FAT1: variants seen among roughly 807,000 people sequenced by gnomAD.
The protein encoded by FAT1 is protocadherin Fat 1.
In FAT1, 171 loss-of-function variants were observed where a neutral mutation model predicts 329.8. That is an observed-to-expected ratio of 0.52 (90% CI 0.46 to 0.59). The LOEUF (loss-of-function observed/expected upper bound fraction) is 0.59. Among genes scored for constraint, FAT1 ranks in the 20% least tolerant of loss-of-function variants. FAT1 has a pLI of 0.00. For missense variants in FAT1, 5,672 were observed against 5,774.4 expected (o/e 0.98, Z 0.57); for synonymous variants, 2,233 against 2,228.6 (o/e 1.00, Z -0.06).
In FAT1 at chr4:186,707,924, C is replaced by A. The variant is rs1375556398; in HGVS notation, c.1904G>T (p.Gly635Val). 2 of 1,613,992 alleles carry A rather than the reference C, an allele frequency of 1.2e-6. No homozygotes were observed. The highest frequency in any genetic ancestry group is 1.1e-5 in the South Asian group (1 of 91,080). Reference protein sequence around the residue: ...SLKRSLMDGLGAKVSFHSLRI... With the variant: ...SLKRSLMDGLVAKVSFHSLRI... ...CAGACTGTGGAAAGACACCTTTGCA[C>A]CTAAGCCATCCATTAGCGATCGCTT... is the stretch of plus-strand genomic sequence containing the variant. The change falls in exon 2 of 27, where the codon GGT (glycine) becomes GTT (valine). Residue 635 changes from glycine (G) to valine (V), a missense_variant. Physicochemically the swap from Gly to Val is moderately radical, Grantham distance 109. This residue lies in a region of FAT1 where 3,966 missense variants were observed against 3,915.2 expected (regional missense o/e 1.01). Coordinates refer to ENST00000441802, the MANE Select transcript of FAT1 (RefSeq NM_005245.4).
Position 186,707,743 on chromosome 4 carries a change from G to A in FAT1, c.2085C>T (p.Asn695=), listed in dbSNP as rs2126691052. The change falls in exon 2 of 27, where the codon AAC becomes AAT. Residue 695 remains asparagine, a synonymous_variant. Coordinates refer to ENST00000441802, the MANE Select transcript of FAT1 (RefSeq NM_005245.4). ...EKLLQANKLH[N]QGEVEDIFFD... Reference sequence around the variant, plus strand: ...AGAAAATATCCTCCACCTCTCCCTGGTTGTGTAATTTATTTGCCTGCAGGA... The same window carrying A: ...AGAAAATATCCTCCACCTCTCCCTGATTGTGTAATTTATTTGCCTGCAGGA... The A allele has an allele frequency of 6.2e-7, 1 of 1,613,648 alleles. No homozygotes were observed. The highest frequency in any genetic ancestry group is 8.5e-7 in the Non-Finnish European group (1 of 1,179,864).
chr4:186,645,966 TATACAC>T lies in FAT1; in HGVS notation c.3581-6189_3581-6184del, dbSNP rs1435992712. 8.2e-4 allele frequency among the ~76,000 whole-genome samples: 66 copies of T among 80,532 alleles called. 2 individuals are homozygous for T. The highest frequency in any genetic ancestry group is 1.4e-3 in the Non-Finnish European group (57 of 41,940). The allele number at this position is 80,532 out of a possible 152,430, so 52.8% of individuals were successfully genotyped here. Reference sequence around the variant, plus strand: ...CTCACAAAAAAAAAAAAAAAAAATATATACACACACACACACACACACACACACACA... The same window carrying T: ...CTCACAAAAAAAAAAAAAAAAAATATACACACACACACACACACACACACA... On this transcript the variant is annotated intron_variant, in intron 3 of 26. Coordinates refer to ENST00000441802, the MANE Select transcript of FAT1 (RefSeq NM_005245.4).
chr4:186,600,830 C>A (rs1347175964), intron 21 of FAT1, among the ~76,000 whole-genome samples: 2 of 152,206 alleles, frequency 1.3e-5, no homozygotes, highest in East Asian at 3.9e-4. Flanking sequence ...CGTGCCTCAG[C>A]CTCCTGAGTA....
At chr4:186,605,775 G>T (rs1241507008) in intron 17 of FAT1, among the ~76,000 whole-genome samples, 2 of 150,740 alleles carry the variant, frequency 1.3e-5, no homozygotes, top group East Asian at 2.0e-4. Context: ...AAGGTCAAGG[G>T]GGGAGGAGAG....
intron 2 of FAT1, among the ~76,000 whole-genome samples, chr4:186,697,117 C>T (rs1460936314): frequency 6.6e-6 from 1 of 152,056 alleles, no homozygotes; most frequent in African/African-American, 2.4e-5. Flanking sequence ...GACAGATTGC[C>T]TTAATAAGTA....
rs745703660 is a variant in FAT1, at chr4:186,617,796, A to G, written c.8790T>C (p.Asp2930=). 2.5e-6 allele frequency: 4 copies of G among 1,613,886 alleles called. No individual in the cohort carries two copies. In the African/African-American group the frequency reaches 5.3e-5, roughly 22 times the overall value. Reference sequence around the variant, plus strand: ...TGGCAATCACCCCACCTTGGGGGTCATCCTCACTCACAGTCCCTTTATAGA... The same window carrying G: ...TGGCAATCACCCCACCTTGGGGGTCGTCCTCACTCACAGTCCCTTTATAGA... The part of the protein sequence containing the change: ...AEIYKGTVSE[D]DPQGGVIAIL... The change falls in exon 10 of 27, where the codon GAT becomes GAC. Residue 2930 remains aspartate (D), a synonymous_variant. Coordinates refer to ENST00000441802, the MANE Select transcript of FAT1 (RefSeq NM_005245.4).
At position 186,620,236 on chromosome 4, in the gene FAT1, T is replaced by C. The variant is rs1164477367; in HGVS notation, c.6350A>G (p.His2117Arg). The C allele has an allele frequency of 4.3e-6, 7 of 1,613,906 alleles. No homozygotes were observed. Among genetic ancestry groups the C allele is most frequent in the Non-Finnish European group, 5.1e-6 (6 of 1,179,906 alleles). The change falls in exon 10 of 27, where the codon CAT becomes CGT. Residue 2117 changes from histidine (H) to arginine (R), a missense_variant. Around this residue, in one of 2 missense-constraint regions of FAT1, gnomAD observed 3,966 missense variants for 3,915.2 expected, o/e 1.01. Coordinates refer to ENST00000441802, the MANE Select transcript of FAT1 (RefSeq NM_005245.4). ...TTCATGATGTTCCTTGAGGTAGTAA[T>C]GCACTTCCCCGTTTCTGCCACTGTC... ...DRDSGRNGEV[H>R]YYLKEHHEHF...
chr4:186,652,568 GA>G (rs1237001888), intron 3 of FAT1, among the ~76,000 whole-genome samples: 1 of 151,974 alleles, frequency 6.6e-6, no homozygotes, highest in Non-Finnish European at 1.5e-5. Context: ...AAAGAGATAG[GA>G]AAAAAATCTA....
intron 1 of FAT1, among the ~76,000 whole-genome samples, 183 bp from the exon 2 acceptor site, chr4:186,710,028 G>A (rs909446155): frequency 6.6e-6 from 1 of 152,050 alleles, no homozygotes; most frequent in Non-Finnish European, 1.5e-5. Flanking sequence ...AACATGTCTA[G>A]AATTATTAAG....
rs891756467 is a variant in FAT1 at position 186,588,445 on chromosome 4, A to G, written c.*147T>C. ...AGTAGTTGGGACACTGGAAATGGCT[A>G]GCACGTCCAGAGGCGCAGGATCCAG... On this transcript the variant is annotated 3_prime_UTR_variant, in exon 27 of 27. Coordinates refer to ENST00000441802, the MANE Select transcript of FAT1 (RefSeq NM_005245.4). 1.1e-6 allele frequency: 1 copy of G among 913,892 alleles called. No homozygotes were observed. The highest frequency in any genetic ancestry group is 1.6e-6 in the Non-Finnish European group (1 of 625,442). 56.6% of individuals were successfully genotyped at this position (913,892 alleles called of 1,614,324 possible).
chr4:186,630,400 G>A (rs1740529405), intron 7 of FAT1, among the ~76,000 whole-genome samples: 1 of 152,112 alleles, frequency 6.6e-6, no homozygotes, highest in African/African-American at 2.4e-5. Flanking sequence ...GAACTCAGGG[G>A]TGATACAGTA....
intron 2 of FAT1, among the ~76,000 whole-genome samples, chr4:186,691,572 A>G (rs953557518): frequency 1.3e-5 from 2 of 152,176 alleles, no homozygotes; most frequent in African/African-American, 4.8e-5. Context: ...AGGCCAAGGT[A>G]GTAGGATGGA....
Position 186,620,304 on chromosome 4 carries a change from A to G in FAT1, c.6282T>C (p.Thr2094=), listed in dbSNP as rs1440055473. The change falls in exon 10 of 27, where the codon ACT becomes ACC. Residue 2094 remains threonine (T), a synonymous_variant. Coordinates refer to ENST00000441802, the MANE Select transcript of FAT1 (RefSeq NM_005245.4). ...CATAGCGAATGACATGGCCCACCTCAGTGTCCACTTTAACAACGGCGTAGT... is the reference window on the plus strand; with the variant it reads ...CATAGCGAATGACATGGCCCACCTCGGTGTCCACTTTAACAACGGCGTAGT... ...LPYYAVVKVD[T]EVGHVIRYVT... 2.5e-6 allele frequency: 4 copies of G among 1,613,862 alleles called. No individual in the cohort carries two copies. Among genetic ancestry groups the G allele is most frequent in the Non-Finnish European group, 2.5e-6 (3 of 1,179,896 alleles).
chr4:186,673,305 C>T (rs1742814285), intron 2 of FAT1, among the ~76,000 whole-genome samples: 1 of 152,148 alleles, frequency 6.6e-6, no homozygotes, highest in African/African-American at 2.4e-5. Context: ...ACAATACCTG[C>T]AGCCCAGTAT....
chr4:186,639,869 G>A, intron 3 of FAT1, 86 bp from the exon 4 acceptor site: 2 of 1,159,932 alleles, frequency 1.7e-6, no homozygotes, highest in South Asian at 2.6e-5. Context: ...TTGGCCAGGT[G>A]CGGTAGCTCA....
At chr4:186,655,850 T>G (rs182644813) in intron 3 of FAT1, among the ~76,000 whole-genome samples, 136 of 152,372 alleles carry the variant, frequency 8.9e-4, no homozygotes, top group Non-Finnish European at 1.3e-3. Flanking sequence ...ATATTCTTTC[T>G]TGCTTATATA....
chr4:186,634,431 TATAAA>T (rs1293860341), intron 6 of FAT1, among the ~76,000 whole-genome samples: 1 of 152,178 alleles, frequency 6.6e-6, no homozygotes, highest in Non-Finnish European at 1.5e-5. Flanking sequence ...TCGACCTAGA[TATAAA>T]ATGAAATGGG....
intron 1 of FAT1, among the ~76,000 whole-genome samples, chr4:186,713,663 T>C (rs1006928215): frequency 6.6e-6 from 1 of 152,170 alleles, no homozygotes; most frequent in African/African-American, 2.4e-5. Flanking sequence ...TATTCAATTT[T>C]TTTTCTTTTT....
Position 186,618,267 on chromosome 4 carries a change from C to G in FAT1, c.8319G>C (p.Trp2773Cys), listed in dbSNP as rs1315461382. Residue 2773 changes from tryptophan (W) to cysteine (C), a missense_variant, in exon 10 of 27, where the codon TGG (tryptophan) becomes TGC (cysteine). This residue lies in a region of FAT1 where 3,966 missense variants were observed against 3,915.2 expected (regional missense o/e 1.01). Transcript: ENST00000441802. ...ACCTGGCCAGTATGGAAAACTGATA[C>G]CACTTAGTTGTCTCATGATCAAGAC... is the stretch of plus-strand genomic sequence containing the variant. ...EKSLDHETTK[W>C]YQFSILARCT... 1 of 1,614,038 alleles carries G rather than the reference C, an allele frequency of 6.2e-7. No homozygotes were observed. The highest frequency in any genetic ancestry group is 1.7e-5 in the Admixed American group (1 of 60,036).
Sources: allele counts gnomAD v4.1 joint callset (sites outside exome capture counted in the v4.1 genomes callset), GRCh38; gene constraint gnomAD v4.1.1; regional missense constraint gnomAD v4.1.1; transcripts MANE v1.5; gene names NCBI Gene and HGNC (gene_info 2026-07-23, HGNC 2026-07-21).